DCAF6: variants seen among roughly 807,000 people sequenced by gnomAD.
DCAF6 encodes DDB1 and CUL4 associated factor 6, also known as DDB1- and CUL4-associated factor 6.
DCAF6 carries 54 observed loss-of-function variants against 125.1 expected under a neutral mutation model. That is an observed-to-expected ratio of 0.43 (90% CI 0.35 to 0.54). The LOEUF (loss-of-function observed/expected upper bound fraction) is 0.54. Among genes scored for constraint, DCAF6 ranks in the 20% least tolerant of loss-of-function variants. DCAF6 has a pLI of 0.01. For missense variants in DCAF6, 934 were observed against 1,161.7 expected (o/e 0.80, Z 2.85); for synonymous variants, 371 against 390.4 (o/e 0.95, Z 0.58).
intron 4 of DCAF6, 90 bp from the exon 5 acceptor site, chr1:167,987,405 T>G (rs772561667): frequency 1.2e-4 from 79 of 681,610 alleles, no homozygotes; most frequent in Non-Finnish European, 1.9e-4. Context: ...AACCTTTACC[T>G]TAATCATTTT....
intron 17 of DCAF6, among the ~76,000 whole-genome samples, chr1:168,056,582 G>T (rs1305465242): frequency 6.6e-6 from 1 of 152,130 alleles, no homozygotes; most frequent in African/African-American, 2.4e-5. Context: ...GAAGGTCACT[G>T]TTGTCCAAAG....
chr1:167,878,651 G>T, the DCAF6 span: 1 of 1,611,136 alleles, frequency 6.2e-7, no homozygotes, highest in Non-Finnish European at 8.5e-7. Flanking sequence ...GCAAGAAAGA[G>T]AAAGTCAAAG....
chr1:167,912,297 A>G, the DCAF6 span, among the ~76,000 whole-genome samples: 1 of 152,216 alleles, frequency 6.6e-6, no homozygotes, highest in Non-Finnish European at 1.5e-5. Flanking sequence ...TCTTAGAGCC[A>G]GGCCGGCAAC....
chr1:167,999,409 G>C (rs978827612), intron 7 of DCAF6, among the ~76,000 whole-genome samples: 12 of 152,160 alleles, frequency 7.9e-5, no homozygotes, highest in Non-Finnish European at 1.2e-4. Flanking sequence ...AAGAGAACCA[G>C]CATGTCCTTC....
chr1:167,954,607 C>T (rs1322310057), intron 2 of DCAF6, among the ~76,000 whole-genome samples: 21 of 152,130 alleles, frequency 1.4e-4, no homozygotes, highest in Non-Finnish European at 8.8e-5. Context: ...CACCCACCAC[C>T]AAGCGCGGCT....
At chr1:167,936,127 A>C, upstream of DCAF6, 4 of 459,936 alleles carry the variant, frequency 8.7e-6, no homozygotes, top group African/African-American at 2.0e-5. Context: ...CAAAATAATC[A>C]CCTCACCAAG....
intron 2 of DCAF6, among the ~76,000 whole-genome samples, chr1:167,956,655 T>C (rs375374045): frequency 6.6e-6 from 1 of 152,170 alleles, no homozygotes; most frequent in East Asian, 1.9e-4. Context: ...CTGAGGTCAT[T>C]GATATGAGAC....
chr1:168,000,504 TCTC>T (rs1182778954), intron 7 of DCAF6, among the ~76,000 whole-genome samples: 1 of 152,122 alleles, frequency 6.6e-6, no homozygotes, highest in African/African-American at 2.4e-5. Context: ...TTTGGGTAGT[TCTC>T]CTGTATACCC....
At chr1:168,047,309 A>G (rs1035487077) in intron 16 of DCAF6, among the ~76,000 whole-genome samples, 4 of 152,106 alleles carry the variant, frequency 2.6e-5, no homozygotes, top group African/African-American at 9.7e-5. Flanking sequence ...CAGATGCTGA[A>G]CTAGACTAGC....
intron 2 of DCAF6, among the ~76,000 whole-genome samples, chr1:167,958,962 A>G (rs568845938): frequency 1.3e-5 from 2 of 152,328 alleles, no homozygotes; most frequent in East Asian, 3.9e-4. Context: ...ACAAATGTAT[A>G]GTGATATATA....
intron 13 of DCAF6, among the ~76,000 whole-genome samples, chr1:168,040,743 A>G (rs1438798902): frequency 1.3e-5 from 2 of 149,776 alleles, no homozygotes; most frequent in Non-Finnish European, 3.0e-5. Flanking sequence ...AGAGAAAATC[A>G]TTAGTCCCAT....
chr1:167,947,383 G>C (rs960570068), intron 1 of DCAF6, among the ~76,000 whole-genome samples: 8 of 149,874 alleles, frequency 5.3e-5, no homozygotes, highest in Non-Finnish European at 1.2e-4. Context: ...GTTCTGCTCT[G>C]ATCTTTATTT....
intron 6 of DCAF6, among the ~76,000 whole-genome samples, chr1:167,992,664 G>A (rs906031796): frequency 6.6e-6 from 1 of 152,176 alleles, no homozygotes; most frequent in Non-Finnish European, 1.5e-5. Context: ...GGCCCCCAGG[G>A]CACAAAGTGC....
intron 2 of DCAF6, among the ~76,000 whole-genome samples, chr1:167,956,222 T>C (rs1368745830): frequency 6.6e-6 from 1 of 152,064 alleles, no homozygotes; most frequent in Admixed American, 6.5e-5. Context: ...TCCTGGGAAA[T>C]GTCTAACTAT....
chr1:167,883,389 GCTAACCTAAAA>G, the DCAF6 span: 1 of 1,595,052 alleles, frequency 6.3e-7, no homozygotes, highest in Non-Finnish European at 8.6e-7. Context: ...GTCCATGAAT[GCTAACCTAAAA>G]CTATTGGTAG....
chr1:168,000,773 A>G (rs1682499486), intron 7 of DCAF6, among the ~76,000 whole-genome samples: 1 of 152,070 alleles, frequency 6.6e-6, no homozygotes, highest in South Asian at 2.1e-4. Flanking sequence ...GATTATTTAT[A>G]TGAAATGTTT....
rs552208317 is a variant in DCAF6, at chr1:167,967,714, C to CTTTTTTTTTTTTTTTTTTT, written c.252+1001_252+1019dup. The stretch of plus-strand genomic sequence containing the variant: ...CCTGATTGTCTTAAATTTCCTGTAT[C>CTTTTTTTTTTTTTTTTTTT]TTTTTTTTTTTTTTTTTTTTTTTTT... On this transcript the variant is annotated intron_variant, in intron 3 of 21. Coordinates refer to ENST00000367840, the MANE Select transcript of DCAF6 (RefSeq NM_001198956.2). Among the ~76,000 whole-genome samples the CTTTTTTTTTTTTTTTTTTT allele has an allele frequency of 1.0e-3, 75 of 74,578 alleles. 3 individuals carry two copies. The highest frequency in any genetic ancestry group is 3.9e-3 in the African/African-American group (74 of 18,982). 48.9% of individuals were successfully genotyped at this position (74,578 alleles called of 152,430 possible).
At position 168,075,684 on chromosome 1, in the gene DCAF6, G is replaced by A; in HGVS notation, c.*249G>A. ...TGAGGAGTGCTAGAAAATGCAAAGT[G>A]CAATATTTTCCCTAACCTTCAAATG... On this transcript the variant is annotated 3_prime_UTR_variant, in exon 22 of 22. Coordinates refer to ENST00000367840, the MANE Select transcript of DCAF6 (RefSeq NM_001198956.2). 1 of 348,210 alleles carries A rather than the reference G, an allele frequency of 2.9e-6. No individual in the cohort carries two copies. Among genetic ancestry groups the A allele is most frequent in the South Asian group, 1.1e-4 (1 of 9,518 alleles). The allele number at this position is 348,210 out of a possible 1,614,324, so 21.6% of individuals were successfully genotyped here.
chr1:167,874,459 A>G, the DCAF6 span, among the ~76,000 whole-genome samples: 1 of 152,236 alleles, frequency 6.6e-6, no homozygotes, highest in East Asian at 1.9e-4. Context: ...AATTATTGAA[A>G]GGATAAAGAT....
Sources: allele counts gnomAD v4.1 joint callset (sites outside exome capture counted in the v4.1 genomes callset), GRCh38; gene constraint gnomAD v4.1.1; transcripts MANE v1.5; gene names NCBI Gene and HGNC (gene_info 2026-07-23, HGNC 2026-07-21).